FHDC1: variants seen among roughly 807,000 people sequenced by gnomAD.
The protein encoded by FHDC1 is FH2 domain-containing protein 1.
In FHDC1, 25 loss-of-function variants were observed where a neutral mutation model predicts 52.6. The ratio of observed to expected loss-of-function variants is 0.48; its 90% CI spans 0.35 to 0.66. The LOEUF is 0.66. Among genes scored for constraint, FHDC1 ranks in the 30% least tolerant of loss-of-function variants. The pLI is 0.01. For missense variants in FHDC1, 1,459 were observed against 1,452.8 expected, an observed-to-expected ratio of 1.00 and a Z score of -0.07; for synonymous variants, 616 against 581.5, an observed-to-expected ratio of 1.06 and a Z score of -0.85.
At chr4:152,962,659 A>G (rs374807710) in intron 6 of FHDC1, among the ~76,000 whole-genome samples, 155 bp from the exon 7 acceptor site, 1 of 152,242 alleles carries the variant, frequency 6.6e-6, no homozygotes, top group East Asian at 1.9e-4. Flanking sequence ...TAGGTATCCC[A>G]TAGAATGTAT....
chr4:152,915,297 G>A, the FHDC1 span, among the ~76,000 whole-genome samples: 2 of 152,104 alleles, frequency 1.3e-5, no homozygotes. Flanking sequence ...GCGTTTAGTA[G>A]AGACAGGATT....
rs556215557 is a variant in FHDC1, at chr4:152,976,165, G to A, written c.2874G>A (p.Pro958=). The A allele has an allele frequency of 1.6e-5, 26 of 1,612,072 alleles. No individual in the cohort carries two copies. Among genetic ancestry groups the A allele is most frequent in the South Asian group, 1.1e-4 (10 of 91,014 alleles). ...ASTGAEEQRL[P]RGSSGSSSTR... Reference sequence around the variant, plus strand: ...CAGGCGCCGAAGAGCAGAGGCTGCCGCGGGGGAGCAGCGGCTCCAGCAGCA... The same window carrying A: ...CAGGCGCCGAAGAGCAGAGGCTGCCACGGGGGAGCAGCGGCTCCAGCAGCA... The change falls in exon 12 of 12, where the codon CCG becomes CCA. Residue 958 remains proline (P), a synonymous_variant. Coordinates refer to ENST00000511601, the MANE Select transcript of FHDC1 (RefSeq NM_001371116.1).
At chr4:152,935,278 CAGGCATT>C (rs1739329542), upstream of FHDC1, among the ~76,000 whole-genome samples, 1 of 152,144 alleles carries the variant, frequency 6.6e-6, no homozygotes. Flanking sequence ...CAAAAGGCGT[CAGGCATT>C]AGGCTGGAAA....
intron 4 of FHDC1, among the ~76,000 whole-genome samples, chr4:152,957,853 G>T (rs956821525): frequency 1.3e-5 from 2 of 152,174 alleles, no homozygotes; most frequent in African/African-American, 4.8e-5. Context: ...AGAGGAAGAA[G>T]GTGGGCCCAG....
the FHDC1 span, among the ~76,000 whole-genome samples, chr4:152,925,053 A>G: frequency 6.6e-6 from 1 of 152,190 alleles, no homozygotes. Flanking sequence ...AATTTAAACA[A>G]TAATGTATGT....
At chr4:152,949,124 T>TAATAAGAAGAAGAAGAAGAAG (rs1347590282) in intron 2 of FHDC1, among the ~76,000 whole-genome samples, 33 of 74,692 alleles carry the variant, frequency 4.4e-4, no homozygotes, top group African/African-American at 1.3e-3. Context: ...ATAATAATAA[T>TAATAAGAAGAAGAAGAAGAAG]AAGAAGAAGA....
the FHDC1 span, among the ~76,000 whole-genome samples, chr4:152,925,147 A>G: frequency 6.6e-6 from 1 of 152,212 alleles, no homozygotes; most frequent in Non-Finnish European, 1.5e-5. Context: ...TTCAAGTTAC[A>G]TGAACTTGAA....
At chr4:152,916,679 G>A in the FHDC1 span, among the ~76,000 whole-genome samples, 1 of 151,796 alleles carries the variant, frequency 6.6e-6, no homozygotes, top group Admixed American at 6.6e-5. Flanking sequence ...TATAGAGAGT[G>A]ACACCACTTG....
chr4:152,950,821 G>A (rs989960588), intron 2 of FHDC1, among the ~76,000 whole-genome samples: 6 of 152,230 alleles, frequency 3.9e-5, no homozygotes, highest in African/African-American at 7.2e-5. Flanking sequence ...TCTATAGGAA[G>A]CTCAGTAATG....
At chr4:152,937,629 G>C (rs1273749923) in intron 1 of FHDC1, among the ~76,000 whole-genome samples, 6 of 151,572 alleles carry the variant, frequency 4.0e-5, no homozygotes, top group African/African-American at 1.5e-4. Context: ...CTGGGCGCCC[G>C]CCCCGCAGTC....
Position 152,978,284 on chromosome 4 carries a change from T to G in FHDC1, c.*1561T>G, listed in dbSNP as rs1017791073. The G allele has an allele frequency of 2.6e-5, 4 of 152,218 alleles. No individual in the cohort carries two copies. Among genetic ancestry groups the G allele is most frequent in the African/African-American group, 9.7e-5 (4 of 41,450 alleles). The allele number at this position is 152,218 out of a possible 1,614,324, so 9.4% of individuals were successfully genotyped here. On this transcript the variant is annotated 3_prime_UTR_variant, in exon 12 of 12. Transcript: ENST00000511601. Reference sequence around the variant, plus strand: ...TGCAAACCATTCTGTCTCCCAGCCTTTCTTCTCTCTTTGTGTGCTCCCAGC... The same window carrying G: ...TGCAAACCATTCTGTCTCCCAGCCTGTCTTCTCTCTTTGTGTGCTCCCAGC...
At chr4:152,944,652 A>G (rs1045776911) in intron 2 of FHDC1, among the ~76,000 whole-genome samples, 3 of 152,176 alleles carry the variant, frequency 2.0e-5, no homozygotes, top group African/African-American at 7.2e-5. Flanking sequence ...TGATTGTGTG[A>G]TCTCCTGTTG....
chr4:152,939,654 C>T lies in FHDC1; in HGVS notation c.-131+3245C>T, dbSNP rs546861561. ...AAGATGCTCAACTGAGCTACAGCCT[C>T]CTTGGGAGAGTCCATCACTCAAACA... On this transcript the variant is annotated intron_variant, in intron 1 of 11. Coordinates refer to ENST00000511601, the MANE Select transcript of FHDC1 (RefSeq NM_001371116.1). Among the ~76,000 whole-genome samples the T allele has an allele frequency of 3.9e-5, 6 of 152,296 alleles. No homozygotes were observed. In the South Asian group the frequency reaches 1.2e-3, roughly 32 times the overall value.
chr4:152,976,881 G>A lies in FHDC1; in HGVS notation c.*158G>A. The A allele has an allele frequency of 4.3e-6, 4 of 920,660 alleles. No homozygotes were observed. In the South Asian group the frequency reaches 9.6e-5, roughly 22 times the overall value. 57.0% of individuals were successfully genotyped at this position (920,660 alleles called of 1,614,324 possible). A position where few individuals can be genotyped will look rare whatever the true frequency, so the allele number is the denominator to read the frequency against. ...TGGGATGGCACAGTCCAGGAGGCCT[G>A]TGGACTGCAGCCTGCTGTGCTGAGC... On this transcript the variant is annotated 3_prime_UTR_variant, in exon 12 of 12. Transcript: ENST00000511601.
At chr4:152,923,498 G>GA in the FHDC1 span, among the ~76,000 whole-genome samples, 10 of 152,162 alleles carry the variant, frequency 6.6e-5, no homozygotes, top group East Asian at 1.4e-3. Context: ...CACAGAATTG[G>GA]AAAAAACTAC....
In FHDC1 at chr4:152,979,252, C is replaced by A. The variant is rs529061845; in HGVS notation, c.*2529C>A. ...GCCATGGCCTCGATGATGGTCTCCA[C>A]AGGTCTTTCCACCTCTGTGAGTCCA... On this transcript the variant is annotated 3_prime_UTR_variant, in exon 12 of 12. Transcript: ENST00000511601. The A allele has an allele frequency of 6.6e-6, 1 of 152,368 alleles. No individual in the cohort carries two copies. The highest frequency in any genetic ancestry group is 2.4e-5 in the African/African-American group (1 of 41,572). 9.4% of individuals were successfully genotyped at this position (152,368 alleles called of 1,614,324 possible).
At chr4:152,942,763 C>A (rs1579081082) in intron 1 of FHDC1, among the ~76,000 whole-genome samples, 165 bp from the exon 2 acceptor site, 1 of 152,170 alleles carries the variant, frequency 6.6e-6, no homozygotes, top group South Asian at 2.1e-4. Flanking sequence ...ATTTGATTCA[C>A]ATTTAGAAAA....
intron 2 of FHDC1, among the ~76,000 whole-genome samples, chr4:152,944,778 G>A (rs1110956): frequency 0.37 from 56,140 of 152,106 alleles, 11,386 homozygotes; most frequent in Admixed American, 0.49. Context: ...CCTTAGTGCC[G>A]TCAGTGCTGA....
chr4:152,963,765 C>CTTTTTTTTTT (rs1561211172), intron 8 of FHDC1, among the ~76,000 whole-genome samples: 1 of 50,872 alleles, frequency 2.0e-5, no homozygotes, highest in African/African-American at 7.1e-5. Flanking sequence ...CTATCCATTG[C>CTTTTTTTTTT]TTTGTTTTTT....
Sources: gnomAD v4.1 joint callset for allele counts (sites outside exome capture counted in the v4.1 genomes callset) on GRCh38, gnomAD v4.1.1 for gene constraint, MANE v1.5 for transcripts, NCBI Gene and HGNC (gene_info 2026-07-23, HGNC 2026-07-21) for gene names.